SPECC1L: variants seen among roughly 807,000 people sequenced by gnomAD.
SPECC1L encodes the protein cytospin-A.
SPECC1L carries 40 observed loss-of-function variants against 116.8 expected under a neutral mutation model. The ratio of observed to expected loss-of-function variants is 0.34; its 90% CI spans 0.27 to 0.45. The LOEUF (loss-of-function observed/expected upper bound fraction) is 0.45, where lower values mean the gene tolerates loss of function less well. Among genes scored for constraint, SPECC1L ranks in the 20% least tolerant of loss-of-function variants. The pLI is 1.00. For missense variants in SPECC1L, 1,110 were observed against 1,373.6 expected (o/e 0.81, Z 3.03); for synonymous variants, 504 against 500.6 (o/e 1.01, Z -0.09).
At chr22:24,337,360 G>A (rs531454743) in intron 9 of SPECC1L, among the ~76,000 whole-genome samples, 25 of 152,294 alleles carry the variant, frequency 1.6e-4, no homozygotes, top group African/African-American at 5.3e-4. Context: ...GTAAGATTCC[G>A]TTTATATTAA....
intron 14 of SPECC1L, among the ~76,000 whole-genome samples, chr22:24,407,850 C>A (rs902012749): frequency 6.6e-6 from 1 of 152,194 alleles, no homozygotes; most frequent in Non-Finnish European, 1.5e-5. Context: ...TTGCATACTT[C>A]ATTCCTGCCT....
intron 2 of SPECC1L, among the ~76,000 whole-genome samples, chr22:24,296,675 G>A (rs1306522021): frequency 2.6e-5 from 4 of 152,246 alleles, no homozygotes; most frequent in East Asian, 1.9e-4. Flanking sequence ...TGCCTGGGGG[G>A]GCTCTAGAGG....
chr22:24,326,454 A>G (rs188726759), intron 6 of SPECC1L, among the ~76,000 whole-genome samples: 16 of 152,292 alleles, frequency 1.1e-4, no homozygotes, highest in African/African-American at 2.6e-4. Flanking sequence ...TCAGGGCATT[A>G]GACTCGTCTA....
intron 14 of SPECC1L, among the ~76,000 whole-genome samples, chr22:24,408,953 A>G (rs556345117): frequency 2.4e-4 from 37 of 152,368 alleles, no homozygotes; most frequent in African/African-American, 8.4e-4. Flanking sequence ...CGGCCTGCCC[A>G]GCCTGCTTTA....
At chr22:24,389,477 C>A (rs1315225668) in intron 14 of SPECC1L, among the ~76,000 whole-genome samples, 1 of 148,640 alleles carries the variant, frequency 6.7e-6, no homozygotes, top group East Asian at 2.0e-4. Context: ...ATTTGTGACA[C>A]TTTTGTCCAG....
intron 14 of SPECC1L, among the ~76,000 whole-genome samples, chr22:24,386,971 G>T (rs1005415423): frequency 3.3e-5 from 5 of 152,170 alleles, no homozygotes; most frequent in Non-Finnish European, 7.3e-5. Context: ...GTCTGCAGCA[G>T]ATTAGACACA....
intron 14 of SPECC1L, among the ~76,000 whole-genome samples, chr22:24,408,079 A>T (rs1186322987): frequency 1.3e-5 from 2 of 149,816 alleles, no homozygotes; most frequent in Non-Finnish European, 2.9e-5. Flanking sequence ...TGAGAGTGAA[A>T]GTGAGTACTG....
In SPECC1L at chr22:24,415,286, C is replaced by G. The variant is rs541747142; in HGVS notation, c.*663C>G. On this transcript the variant is annotated 3_prime_UTR_variant, in exon 17 of 17. Coordinates refer to ENST00000314328, the MANE Select transcript of SPECC1L (RefSeq NM_015330.6). Reference sequence around the variant, plus strand: ...GGCTGGGGTGCTGCTGCTGCACTCACGCGGCTGGGCTTTCTGGCGGGAAGC... The same window carrying G: ...GGCTGGGGTGCTGCTGCTGCACTCAGGCGGCTGGGCTTTCTGGCGGGAAGC... 3.0e-4 allele frequency: 46 copies of G among 153,254 alleles called. No individual in the cohort carries two copies. Among genetic ancestry groups the G allele is most frequent in the Non-Finnish European group, 5.8e-4 (40 of 68,608 alleles). 9.5% of individuals were successfully genotyped at this position (153,254 alleles called of 1,614,324 possible).
At chr22:24,284,714 C>CGT (rs1569403468) in intron 2 of SPECC1L, among the ~76,000 whole-genome samples, 2 of 152,146 alleles carry the variant, frequency 1.3e-5, no homozygotes, top group African/African-American at 4.8e-5. Flanking sequence ...GGATTACATG[C>CGT]GTGAACCACA....
Position 24,324,261 on chromosome 22 carries a change from A to G in SPECC1L, c.1980A>G (p.Lys660=), listed in dbSNP as rs747843492. ...EYRAFQEEAK[K]QIEDLNMTLE... The stretch of plus-strand genomic sequence containing the variant: ...GAGCCTTCCAAGAAGAAGCTAAGAA[A>G]CAAATTGAAGATTTGAATATGACGT... Residue 660 remains lysine, a synonymous_variant, in exon 6 of 17, where the codon AAA becomes AAG. Coordinates refer to ENST00000314328, the MANE Select transcript of SPECC1L (RefSeq NM_015330.6). 3.0e-5 allele frequency: 48 copies of G among 1,613,994 alleles called. No homozygotes were observed. Among genetic ancestry groups the G allele is most frequent in the African/African-American group, 5.3e-5 (4 of 74,942 alleles).
At chr22:24,371,795 C>G (rs1289950979) in intron 14 of SPECC1L, among the ~76,000 whole-genome samples, 1 of 152,196 alleles carries the variant, frequency 6.6e-6, no homozygotes, top group African/African-American at 2.4e-5. Context: ...GACCTTGGTT[C>G]ACGGCAGGCT....
intron 14 of SPECC1L, among the ~76,000 whole-genome samples, chr22:24,395,312 G>A (rs915278327): frequency 1.3e-5 from 2 of 152,160 alleles, no homozygotes; most frequent in African/African-American, 4.8e-5. Context: ...AATACGATGT[G>A]AGGTATGGAT....
intron 9 of SPECC1L, among the ~76,000 whole-genome samples, chr22:24,336,821 A>T (rs1306561062): frequency 1.3e-5 from 2 of 152,176 alleles, no homozygotes; most frequent in East Asian, 3.8e-4. Flanking sequence ...AGACAAATAC[A>T]GTCCCTGACT....
intron 11 of SPECC1L, among the ~76,000 whole-genome samples, chr22:24,350,899 C>T (rs1001761479): frequency 1.3e-5 from 2 of 152,152 alleles, no homozygotes; most frequent in Non-Finnish European, 2.9e-5. Flanking sequence ...TGGCTGCAAG[C>T]CTGAGAAAGC....
intron 11 of SPECC1L, among the ~76,000 whole-genome samples, chr22:24,361,768 C>T (rs1032330992): frequency 2.0e-5 from 3 of 151,890 alleles, no homozygotes; most frequent in Admixed American, 2.0e-4. Context: ...TGCACTTCAG[C>T]CTGGACAATA....
intron 3 of SPECC1L, among the ~76,000 whole-genome samples, chr22:24,308,553 T>G (rs1420816528): frequency 6.6e-6 from 1 of 152,254 alleles, no homozygotes; most frequent in Non-Finnish European, 1.5e-5. Context: ...GATGTTAACT[T>G]CCTTTGGCTA....
chr22:24,288,615 C>CTTTTTTTTTTTTTTTTTTT (rs756714389), intron 2 of SPECC1L, among the ~76,000 whole-genome samples: 2 of 61,678 alleles, frequency 3.2e-5, no homozygotes, highest in South Asian at 6.6e-4. Context: ...AAATTTTAAG[C>CTTTTTTTTTTTTTTTTTTT]TTTTTTTTTT....
intron 4 of SPECC1L, among the ~76,000 whole-genome samples, chr22:24,318,623 G>GA (rs1206575446): frequency 6.6e-6 from 1 of 151,938 alleles, no homozygotes; most frequent in Non-Finnish European, 1.5e-5. Context: ...TAATGTTGGG[G>GA]AAAAAAGTTA....
intron 14 of SPECC1L, among the ~76,000 whole-genome samples, chr22:24,402,567 G>A (rs1426492014): frequency 6.6e-6 from 1 of 152,190 alleles, no homozygotes; most frequent in African/African-American, 2.4e-5. Context: ...TTCATTCTGA[G>A]TGCACTGGGT....
Sources: allele counts gnomAD v4.1 joint callset (sites outside exome capture counted in the v4.1 genomes callset), GRCh38; gene constraint gnomAD v4.1.1; transcripts MANE v1.5; gene names NCBI Gene and HGNC (gene_info 2026-07-23, HGNC 2026-07-21).